The following CEP89 variants were observed in gnomAD, a reference collection of about 807,000 sequenced individuals.
The protein encoded by CEP89 is centrosomal protein 89.
A neutral mutation model predicts 97.6 loss-of-function variants in CEP89; 95 were observed. The ratio of observed to expected loss-of-function variants is 0.97; its 90% confidence interval spans 0.82 to 1.15. The LOEUF (loss-of-function observed/expected upper bound fraction) is 1.15. CEP89 is among the 50% of genes most tolerant of loss of function. The pLI is 0.00. For missense variants in CEP89, 869 were observed against 947.7 expected (o/e 0.92, Z 1.09); for synonymous variants, 354 against 349.1 (o/e 1.01, Z -0.16).
intron 14 of CEP89, among the ~76,000 whole-genome samples, chr19:32,902,008 CTCTGTGTG>C (rs1434924371): frequency 1.0e-5 from 1 of 99,644 alleles, no homozygotes; most frequent in African/African-American, 4.7e-5. Context: ...CTCTCTCTCT[CTCTGTGTG>C]TGTGTGTGTG....
In CEP89 at chr19:32,918,337, C is replaced by T. The variant is rs182600896; in HGVS notation, c.1271G>A (p.Arg424His). Residue 424 changes from arginine (R) to histidine (H), a missense_variant and splice_region_variant, in exon 13 of 19, where the codon CGT becomes CAT. Arg to His is a conservative substitution (Grantham distance 29, BLOSUM62 0). Transcript: ENST00000305768. ...KSSAVTSEEW[R>H]QLQTQAKLVL... ...CAGTTTTGCTTGAGTCTGAAGCTGA[C>T]GCCTGCAATTGATTTACAAGATGAA... The T allele has an allele frequency of 4.4e-5, 71 of 1,608,032 alleles. No individual in the cohort carries two copies. Among genetic ancestry groups the T allele is most frequent in the South Asian group, 5.5e-5 (5 of 90,946 alleles).
chr19:32,966,211 C>A, intron 2 of CEP89, 149 bp downstream of exon 2: 2 of 420,900 alleles, frequency 4.8e-6, no homozygotes, highest in Non-Finnish European at 8.5e-6. Context: ...ATATTAATTG[C>A]ATCATTATGG....
At chr19:32,924,733 C>A (rs1485039126) in intron 11 of CEP89, among the ~76,000 whole-genome samples, 1 of 152,030 alleles carries the variant, frequency 6.6e-6, no homozygotes, top group Non-Finnish European at 1.5e-5. Flanking sequence ...AGTGTGCAAA[C>A]CAGCTGCCTG....
intron 17 of CEP89, among the ~76,000 whole-genome samples, chr19:32,886,869 T>C (rs1969408305): frequency 6.6e-6 from 1 of 151,394 alleles, no homozygotes; most frequent in Non-Finnish European, 1.5e-5. Context: ...TCTTTTTTTT[T>C]TTTTCTTAAA....
intron 3 of CEP89, among the ~76,000 whole-genome samples, chr19:32,956,338 G>A (rs2145963637): frequency 6.6e-6 from 1 of 151,374 alleles, no homozygotes; most frequent in Non-Finnish European, 1.5e-5. Flanking sequence ...ACAGGCGTGA[G>A]CCACCGCACC....
rs1163843364 is a variant in CEP89, at chr19:32,948,258, T to C, written c.595+8A>G. ...TATTTTATAAAAATTGTGGTTTTTTTTTTCTACCTTTTTGTTGTGTCCGCT... is the reference window on the plus strand; with the variant it reads ...TATTTTATAAAAATTGTGGTTTTTTCTTTCTACCTTTTTGTTGTGTCCGCT... On this transcript the variant is annotated splice_region_variant and intron_variant, in intron 5 of 18. Transcript: ENST00000305768. 6.6e-7 allele frequency: 1 copy of C among 1,513,994 alleles called. No individual in the cohort carries two copies. The highest frequency in any genetic ancestry group is 8.9e-7 in the Non-Finnish European group (1 of 1,120,698). The allele number at this position is 1,513,994 out of a possible 1,614,324, so 93.8% of individuals were successfully genotyped here. A position where few individuals can be genotyped will look rare whatever the true frequency, so the allele number is the denominator to read the frequency against.
At chr19:32,922,824 G>A (rs965402584) in intron 12 of CEP89, among the ~76,000 whole-genome samples, 2 of 149,790 alleles carry the variant, frequency 1.3e-5, no homozygotes, top group African/African-American at 5.0e-5. Context: ...CTCCAGCCTG[G>A]CCAACACAGC....
intron 4 of CEP89, among the ~76,000 whole-genome samples, chr19:32,951,714 T>A (rs1198746587): frequency 6.6e-6 from 1 of 151,840 alleles, no homozygotes; most frequent in Non-Finnish European, 1.5e-5. Flanking sequence ...ATGGTAACAT[T>A]TTATTATTTA....
chr19:32,951,119 T>C (rs921228972), intron 4 of CEP89, among the ~76,000 whole-genome samples: 3 of 152,194 alleles, frequency 2.0e-5, no homozygotes, highest in African/African-American at 7.2e-5. Context: ...ATTTACTCAC[T>C]TCTTGTGCAT....
chr19:32,924,791 C>T (rs1414136915), intron 11 of CEP89, among the ~76,000 whole-genome samples: 1 of 151,802 alleles, frequency 6.6e-6, no homozygotes, highest in Non-Finnish European at 1.5e-5. Flanking sequence ...TAATGGGCCT[C>T]GCCCATTATT....
At chr19:32,927,029 T>C in intron 9 of CEP89, 45 bp from the exon 10 acceptor site, 2 of 1,522,162 alleles carry the variant, frequency 1.3e-6, no homozygotes, top group South Asian at 2.3e-5. Flanking sequence ...CCACACTTCC[T>C]CTGAATTTTC....
chr19:32,903,954 G>A (rs1469757294), intron 14 of CEP89, among the ~76,000 whole-genome samples: 1 of 152,190 alleles, frequency 6.6e-6, no homozygotes, highest in Non-Finnish European at 1.5e-5. Flanking sequence ...AAGGCCAGGA[G>A]TTTGAGACCA....
At chr19:32,922,532 G>C (rs1970270777) in intron 12 of CEP89, among the ~76,000 whole-genome samples, 1 of 151,428 alleles carries the variant, frequency 6.6e-6, no homozygotes, top group Non-Finnish European at 1.5e-5. Flanking sequence ...GACAGAGTGA[G>C]ACCCTAACTC....
intron 17 of CEP89, among the ~76,000 whole-genome samples, chr19:32,884,095 C>G (rs1220815289): frequency 6.6e-6 from 1 of 152,114 alleles, no homozygotes; most frequent in Non-Finnish European, 1.5e-5. Flanking sequence ...TCAAGTGATC[C>G]TCCTGCTCAG....
intron 15 of CEP89, among the ~76,000 whole-genome samples, chr19:32,900,390 C>T (rs1311667142): frequency 1.3e-5 from 2 of 151,662 alleles, no homozygotes; most frequent in Non-Finnish European, 2.9e-5. Flanking sequence ...GGATTAGAGG[C>T]ATGCGCCACC....
In CEP89 at chr19:32,879,286, GT is replaced by G. The variant is rs1323170310; in HGVS notation, c.2227del (p.Thr743GlnfsTer34). 1.2e-6 allele frequency: 2 copies of G among 1,614,158 alleles called. No individual in the cohort carries two copies. The highest frequency in any genetic ancestry group is 1.3e-5 in the African/African-American group (1 of 74,958). On this transcript the variant is annotated frameshift_variant, in exon 19 of 19. Coordinates refer to ENST00000305768, the MANE Select transcript of CEP89 (RefSeq NM_032816.5). LOFTEE classifies it low-confidence loss of function (END_TRUNC). The part of the protein sequence containing the change: ...RELLQDTLTR[T>X]GVQDNPRALV... The stretch of plus-strand genomic sequence containing the variant: ...AGCTCTGGGGTTGTCCTGCACGCCT[GT>G]CCTCGTGAGTGTGTCCTGGAGAAGT...
At chr19:32,932,437 T>C (rs1970495856) in intron 8 of CEP89, among the ~76,000 whole-genome samples, 2 of 152,086 alleles carry the variant, frequency 1.3e-5, no homozygotes, top group African/African-American at 2.4e-5. Context: ...GAAAAAGGTA[T>C]AGAGAAAATA....
At chr19:32,967,814 G>A (rs1340113789) in intron 1 of CEP89, among the ~76,000 whole-genome samples, 1 of 152,222 alleles carries the variant, frequency 6.6e-6, no homozygotes, top group Non-Finnish European at 1.5e-5. Flanking sequence ...TCATAAGCAC[G>A]ATTCTCCGTT....
chr19:32,926,664 C>T (rs1158486044), intron 10 of CEP89, among the ~76,000 whole-genome samples: 2 of 152,194 alleles, frequency 1.3e-5, no homozygotes, highest in Non-Finnish European at 2.9e-5. Context: ...CGGGTTCAAG[C>T]GATTCTCCTG....
Sources: gnomAD v4.1 joint callset for allele counts (sites outside exome capture counted in the v4.1 genomes callset) on GRCh38, gnomAD v4.1.1 for gene constraint, MANE v1.5 for transcripts, NCBI Gene and HGNC (gene_info 2026-07-23, HGNC 2026-07-21) for gene names.